APPL1: variants seen among roughly 807,000 people sequenced by gnomAD.
APPL1 encodes the protein adaptor protein, phosphotyrosine interacting with PH domain and leucine zipper 1.
APPL1 carries 42 observed loss-of-function variants against 106.8 expected under a neutral mutation model. The observed-to-expected ratio is 0.39, with a 90% confidence interval of 0.31 to 0.51. APPL1 has a LOEUF of 0.51. Ranked by LOEUF, APPL1 falls within the 20% of genes least tolerant of loss-of-function variation. APPL1 has a pLI of 0.75. For missense variants in APPL1, 769 were observed against 858.2 expected (o/e 0.90, Z 1.30); for synonymous variants, 263 against 281.8 (o/e 0.93, Z 0.67).
chr3:57,227,765 C>A lies in APPL1; in HGVS notation c.-119C>A. 2.4e-6 allele frequency: 2 copies of A among 824,690 alleles called. No homozygotes were observed. Among genetic ancestry groups the A allele is most frequent in the Non-Finnish European group, 3.3e-6 (2 of 603,818 alleles). 51.1% of individuals were successfully genotyped at this position (824,690 alleles called of 1,614,324 possible). On this transcript the variant is annotated 5_prime_UTR_variant, in exon 1 of 22. Coordinates refer to ENST00000288266, the MANE Select transcript of APPL1 (RefSeq NM_012096.3). ...CGGCGCCTGGAGAAGGCTGTGCGGG[C>A]GGGGACGGCTGCAGCCCTTGCCGGA...
rs962280871 is a variant in APPL1 at position 57,269,303 on chromosome 3, T to TA, written c.1984-231dup. 211 of 414,862 alleles carry TA rather than the reference T, an allele frequency of 5.1e-4. No individual in the cohort carries two copies. The Middle Eastern group carries it at 7.3e-3, about 14-fold the overall frequency. The allele number at this position is 414,862 out of a possible 1,614,324, so 25.7% of individuals were successfully genotyped here. A position where few individuals can be genotyped will look rare whatever the true frequency, so the allele number is the denominator to read the frequency against. ...ATGGGCTTTATTTGGTTGTTGGTCA[T>TA]AAAAAAAGAAAGATAAAATATTAGA... On this transcript the variant is annotated intron_variant, in intron 21 of 21. Coordinates refer to ENST00000288266, the MANE Select transcript of APPL1 (RefSeq NM_012096.3).
intron 4 of APPL1, 184 bp downstream of exon 4, chr3:57,238,300 G>A (rs2060727003): frequency 2.0e-6 from 1 of 505,272 alleles, no homozygotes; most frequent in Non-Finnish European, 3.4e-6. Context: ...TTGTTTTCCA[G>A]GAATAAACTT....
At chr3:57,263,795 T>C (rs2060880703) in intron 19 of APPL1, among the ~76,000 whole-genome samples, 1 of 151,884 alleles carries the variant, frequency 6.6e-6, no homozygotes, top group Non-Finnish European at 1.5e-5. Flanking sequence ...CATCTGTTGA[T>C]GGACACTTAG....
In APPL1 at chr3:57,245,879, T is replaced by C. The variant is rs546305400; in HGVS notation, c.475-197T>C. Among the ~76,000 whole-genome samples the C allele has an allele frequency of 3.3e-5, 5 of 152,218 alleles. No individual in the cohort carries two copies. In the East Asian group the frequency reaches 7.7e-4, roughly 24 times the overall value. On this transcript the variant is annotated intron_variant, in intron 7 of 21. Coordinates refer to ENST00000288266, the MANE Select transcript of APPL1 (RefSeq NM_012096.3). ...ATTTTGTAAATTATGTGGTTGGAAG[T>C]TAAACAGGAAAATTTGCTTAACCAG...
chr3:57,266,931 T>TA lies in APPL1; in HGVS notation c.1843-810dup, dbSNP rs535274808. Among the ~76,000 whole-genome samples, 342 of 152,314 alleles carry TA rather than the reference T, an allele frequency of 2.2e-3. 3 individuals carry two copies. Among genetic ancestry groups the TA allele is most frequent in the African/African-American group, 8.0e-3 (332 of 41,568 alleles). ...CAAGTGGCTTCGTTCCTGGGTTCTC[T>TA]ATTCTGTTCCATTGGCCATGTGTCT... On this transcript the variant is annotated intron_variant, in intron 19 of 21. Transcript: ENST00000288266.
At chr3:57,244,983 T>G (rs890246766) in intron 7 of APPL1, among the ~76,000 whole-genome samples, 18 of 152,310 alleles carry the variant, frequency 1.2e-4, no homozygotes, top group Middle Eastern at 3.4e-3. Flanking sequence ...CTTGGATGTC[T>G]GGATGGATCC....
Position 57,228,041 on chromosome 3 carries a change from G to A in APPL1, c.54+104G>A. Reference sequence around the variant, plus strand: ...AGGTGCCCGCCCCGGCCCAGGTGGGGGCCGCCGCCGCCCTAGGTCACCGCC... The same window carrying A: ...AGGTGCCCGCCCCGGCCCAGGTGGGAGCCGCCGCCGCCCTAGGTCACCGCC... On this transcript the variant is annotated intron_variant, in intron 1 of 21. Transcript: ENST00000288266. This position sits in a 1 kb window ranked among gnomAD's most constrained non-coding sequence, Gnocchi z 4.6. 9.8e-7 allele frequency: 1 copy of A among 1,021,180 alleles called. No homozygotes were observed. Among genetic ancestry groups the A allele is most frequent in the Non-Finnish European group, 1.3e-6 (1 of 787,048 alleles). The allele number at this position is 1,021,180 out of a possible 1,614,324, so 63.3% of individuals were successfully genotyped here.
chr3:57,234,672 G>A (rs1396962172), intron 1 of APPL1, among the ~76,000 whole-genome samples: 1 of 150,352 alleles, frequency 6.7e-6, no homozygotes, highest in Non-Finnish European at 1.5e-5. Context: ...TTTATTTTGA[G>A]ACAGAGTCTT....
chr3:57,262,813 GGTGT>G (rs4060605), intron 19 of APPL1, among the ~76,000 whole-genome samples: 7,033 of 142,632 alleles, frequency 0.049, 186 homozygotes, highest in South Asian at 0.067. Flanking sequence ...GGGTACAAGG[GGTGT>G]GTGTGTGTGT....
At chr3:57,240,808 C>T (rs1423095525) in intron 5 of APPL1, among the ~76,000 whole-genome samples, 1 of 149,886 alleles carries the variant, frequency 6.7e-6, no homozygotes, top group African/African-American at 2.5e-5. Context: ...ACACTTATGT[C>T]TCTTATAATT....
chr3:57,257,518 T>A, intron 15 of APPL1, 90 bp downstream of exon 15: 1 of 1,127,300 alleles, frequency 8.9e-7, no homozygotes, highest in Admixed American at 2.6e-5. Context: ...TTATTTATAA[T>A]GTATATCAGC....
chr3:57,249,460 G>A lies in APPL1; in HGVS notation c.964G>A (p.Ala322Thr). ...QARGDVAGGLAMDIDNCSVMA... is the reference protein window; with the variant it reads ...QARGDVAGGLTMDIDNCSVMA... Reference sequence around the variant, plus strand: ...CCGTGGGGATGTAGCAGGAGGCCTGGCCATGGACATAGACAACTGTTCAGT... The same window carrying A: ...CCGTGGGGATGTAGCAGGAGGCCTGACCATGGACATAGACAACTGTTCAGT... Residue 322 changes from alanine (A) to threonine (T), a missense_variant, in exon 11 of 22, where the codon GCC becomes ACC. Coordinates refer to ENST00000288266, the MANE Select transcript of APPL1 (RefSeq NM_012096.3). The A allele has an allele frequency of 6.2e-7, 1 of 1,614,104 alleles. No homozygotes were observed.
At chr3:57,242,775 T>C in intron 6 of APPL1, 81 bp from the exon 7 acceptor site, 1 of 1,033,184 alleles carries the variant, frequency 9.7e-7, no homozygotes, top group Non-Finnish European at 1.5e-6. Context: ...TGTGGAAAGG[T>C]GCACATGTGA....
chr3:57,255,629 T>C (rs997636313), intron 13 of APPL1, among the ~76,000 whole-genome samples: 28 of 152,318 alleles, frequency 1.8e-4, no homozygotes, highest in African/African-American at 6.5e-4. Context: ...TGTTATTATA[T>C]TTACATTGTA....
chr3:57,260,971 T>G (rs567247792), intron 19 of APPL1, among the ~76,000 whole-genome samples, 197 bp downstream of exon 19: 1 of 152,240 alleles, frequency 6.6e-6, no homozygotes, highest in Non-Finnish European at 1.5e-5. Context: ...TCAGGGTATT[T>G]AGGGTGTCCA....
At chr3:57,267,892 G>C in intron 20 of APPL1, 100 bp downstream of exon 20, 1 of 1,221,834 alleles carries the variant, frequency 8.2e-7, no homozygotes, top group Non-Finnish European at 1.2e-6. Flanking sequence ...AGGAGTTCGA[G>C]ACTAACCTGG....
At chr3:57,260,860 TTAAA>T in intron 19 of APPL1, 86 bp downstream of exon 19, 1 of 483,284 alleles carries the variant, frequency 2.1e-6, no homozygotes, top group Non-Finnish European at 2.7e-6. Context: ...TTCTTACAAA[TTAAA>T]TTAGTTAGTA....
chr3:57,232,403 G>A (rs550593858), intron 1 of APPL1, among the ~76,000 whole-genome samples: 93 of 152,270 alleles, frequency 6.1e-4, no homozygotes, highest in African/African-American at 2.1e-3. Context: ...GCCTGCAAAT[G>A]TACATACTTG....
At chr3:57,254,431 C>T (rs1408817065) in intron 13 of APPL1, among the ~76,000 whole-genome samples, 1 of 152,100 alleles carries the variant, frequency 6.6e-6, no homozygotes, top group Non-Finnish European at 1.5e-5. Flanking sequence ...ATGGCGATGA[C>T]TAAAGGCTTA....
Sources: gnomAD v4.1 joint callset for allele counts (sites outside exome capture counted in the v4.1 genomes callset) on GRCh38, gnomAD v4.1.1 for gene constraint, Gnocchi (gnomAD v3.1) non-coding constraint, MANE v1.5 for transcripts, NCBI Gene and HGNC (gene_info 2026-07-23, HGNC 2026-07-21) for gene names.